EXOC4: variants seen among roughly 807,000 people sequenced by gnomAD.
EXOC4 encodes exocyst complex component 4.
In EXOC4, 71 loss-of-function variants were observed where a neutral mutation model predicts 107.2. That is an observed-to-expected ratio of 0.66 (90% confidence interval 0.55 to 0.81). The LOEUF is 0.81. EXOC4 is among the 30% of genes least tolerant of loss of function. The pLI is 0.00. For synonymous variants in EXOC4, 456 were observed against 441.2 expected, an observed-to-expected ratio of 1.03 and a Z score of -0.42; for missense variants, 1,108 against 1,189.6, an observed-to-expected ratio of 0.93 and a Z score of 1.01.
intron 14 of EXOC4, among the ~76,000 whole-genome samples, chr7:133,954,404 G>C (rs1036362268): frequency 6.6e-6 from 1 of 152,140 alleles, no homozygotes; most frequent in Non-Finnish European, 1.5e-5. Context: ...GTAATCATTA[G>C]GAAGACATTT....
intron 10 of EXOC4, among the ~76,000 whole-genome samples, chr7:133,756,580 C>T (rs1795922192): frequency 6.6e-6 from 1 of 152,124 alleles, no homozygotes; most frequent in African/African-American, 2.4e-5. Flanking sequence ...TTTGAATCCT[C>T]CTCCATTTAA....
In EXOC4 at chr7:133,808,318, C is replaced by T. The variant is rs149258943; in HGVS notation, c.1515-9007C>T. Reference sequence around the variant, plus strand: ...GCAAACGTGCTCCAAAGTGCATTAACCTTTATGGATTTTTTTTCGGTTTTC... The same window carrying T: ...GCAAACGTGCTCCAAAGTGCATTAATCTTTATGGATTTTTTTTCGGTTTTC... On this transcript the variant is annotated intron_variant, in intron 10 of 17. Coordinates refer to ENST00000253861, the MANE Select transcript of EXOC4 (RefSeq NM_021807.4). Among the ~76,000 whole-genome samples the T allele has an allele frequency of 4.8e-3, 735 of 152,290 alleles. 3 individuals are homozygous for T. The highest frequency in any genetic ancestry group is 0.017 in the Middle Eastern group (5 of 294).
At chr7:134,004,813 A>T (rs1794605616) in intron 15 of EXOC4, 99 bp from the exon 16 acceptor site, 5 of 976,690 alleles carry the variant, frequency 5.1e-6, no homozygotes, top group Admixed American at 2.3e-5. Flanking sequence ...ACATTTATTA[A>T]TGATAATTTA....
intron 5 of EXOC4, among the ~76,000 whole-genome samples, chr7:133,341,648 T>A (rs949895974): frequency 6.6e-6 from 1 of 152,222 alleles, no homozygotes; most frequent in African/African-American, 2.4e-5. Context: ...TCCACCACTC[T>A]TATCGTGTTG....
At chr7:133,995,897 G>A (rs1794380118) in intron 14 of EXOC4, among the ~76,000 whole-genome samples, 1 of 152,034 alleles carries the variant, frequency 6.6e-6, no homozygotes, top group African/African-American at 2.4e-5. Flanking sequence ...CAAGATGTTG[G>A]CTCTCTACCC....
intron 9 of EXOC4, among the ~76,000 whole-genome samples, chr7:133,532,778 A>T (rs1397225449): frequency 6.6e-6 from 1 of 152,152 alleles, no homozygotes; most frequent in Non-Finnish European, 1.5e-5. Context: ...CAATAAAGCA[A>T]TTCAGATAAT....
intron 12 of EXOC4, among the ~76,000 whole-genome samples, chr7:133,900,966 T>G (rs1450349923): frequency 1.3e-5 from 2 of 152,154 alleles, no homozygotes; most frequent in Non-Finnish European, 2.9e-5. Flanking sequence ...GCCTCCCAGA[T>G]TCACATGATT....
chr7:133,720,790 T>C (rs1403351270), intron 10 of EXOC4, among the ~76,000 whole-genome samples: 2 of 152,146 alleles, frequency 1.3e-5, no homozygotes, highest in African/African-American at 4.8e-5. Flanking sequence ...AAAATGAATA[T>C]TCCAGCAAGA....
At chr7:133,438,938 T>C (rs1243422862) in intron 7 of EXOC4, among the ~76,000 whole-genome samples, 7 of 152,188 alleles carry the variant, frequency 4.6e-5, no homozygotes, top group African/African-American at 1.4e-4. Context: ...GAGGTGCTGA[T>C]AGAACATAAG....
At chr7:133,341,632 T>C (rs917077422) in intron 5 of EXOC4, among the ~76,000 whole-genome samples, 8 of 152,200 alleles carry the variant, frequency 5.3e-5, no homozygotes, top group African/African-American at 1.7e-4. Context: ...CAGTGGAGTA[T>C]TGAAGTCCAC....
intron 11 of EXOC4, among the ~76,000 whole-genome samples, chr7:133,849,675 C>A (rs974554623): frequency 6.6e-6 from 1 of 152,168 alleles, no homozygotes; most frequent in African/African-American, 2.4e-5. Context: ...TGGCTGATTT[C>A]ATTTTCTCTC....
At chr7:133,710,471 T>G (rs1426883627) in intron 10 of EXOC4, among the ~76,000 whole-genome samples, 1 of 151,558 alleles carries the variant, frequency 6.6e-6, no homozygotes, top group Non-Finnish European at 1.5e-5. Context: ...CCATCCTGGC[T>G]AAAACAGTGA....
At chr7:133,399,896 G>C (rs1166412821) in intron 7 of EXOC4, among the ~76,000 whole-genome samples, 1 of 152,142 alleles carries the variant, frequency 6.6e-6, no homozygotes, top group Non-Finnish European at 1.5e-5. Context: ...TTGGAGTAAG[G>C]GTTCATGTAT....
chr7:133,412,265 C>T, intron 7 of EXOC4, among the ~76,000 whole-genome samples: 1 of 121,252 alleles, frequency 8.2e-6, no homozygotes, highest in African/African-American at 3.1e-5. Flanking sequence ...CTGGTCAATA[C>T]TGTCAGAATT....
intron 14 of EXOC4, among the ~76,000 whole-genome samples, chr7:133,946,528 G>A (rs1800554444): frequency 6.6e-6 from 1 of 152,150 alleles, no homozygotes; most frequent in Non-Finnish European, 1.5e-5. Context: ...TGATGATCCA[G>A]TTTTGTTCAT....
intron 9 of EXOC4, among the ~76,000 whole-genome samples, chr7:133,624,142 G>A (rs1327103131): frequency 6.6e-6 from 1 of 152,116 alleles, no homozygotes. Flanking sequence ...TACGTGGAAA[G>A]GCCAATTTAA....
chr7:133,622,850 A>G lies in EXOC4; in HGVS notation c.1418-7195A>G, dbSNP rs377204907. On this transcript the variant is annotated intron_variant, in intron 9 of 17. Transcript: ENST00000253861. ...TTCAACCTGCGAATTCCTTGGAAAC[A>G]TAAAATGATACTAAGCACATTGTAG... Among the ~76,000 whole-genome samples the G allele has an allele frequency of 1.1e-4, 17 of 152,310 alleles. No homozygotes were observed. In the South Asian group the frequency reaches 3.3e-3, roughly 30 times the overall value.
chr7:133,562,727 T>C (rs182641091), intron 9 of EXOC4, among the ~76,000 whole-genome samples: 26 of 152,302 alleles, frequency 1.7e-4, no homozygotes, highest in Admixed American at 5.9e-4. Flanking sequence ...ATACAACGAA[T>C]ACATTATTGG....
intron 13 of EXOC4, among the ~76,000 whole-genome samples, chr7:133,919,628 C>T (rs1037804477): frequency 7.9e-5 from 12 of 152,144 alleles, no homozygotes; most frequent in Admixed American, 6.5e-4. Flanking sequence ...TACTTGAAAT[C>T]ATACAGTATG....
Sources: allele counts gnomAD v4.1 joint callset (sites outside exome capture counted in the v4.1 genomes callset), GRCh38; gene constraint gnomAD v4.1.1; transcripts MANE v1.5; gene names NCBI Gene and HGNC (gene_info 2026-07-23, HGNC 2026-07-21).